The following ELAPOR1 variants were observed in gnomAD, a reference collection of about 807,000 sequenced individuals.
ELAPOR1 encodes endosome/lysosome-associated apoptosis and autophagy regulator 1.
Under a neutral mutation model 119.7 loss-of-function variants are expected in ELAPOR1, and 77 were observed. That is an observed-to-expected ratio of 0.64 (90% CI 0.54 to 0.78). The LOEUF (loss-of-function observed/expected upper bound fraction) is 0.78, where lower values mean the gene tolerates loss of function less well. Among genes scored for constraint, ELAPOR1 ranks in the 30% least tolerant of loss-of-function variants. The pLI is 0.00. For missense variants in ELAPOR1, 1,115 were observed against 1,270.4 expected, an observed-to-expected ratio of 0.88 and a Z score of 1.86; for synonymous variants, 481 against 487.2, an observed-to-expected ratio of 0.99 and a Z score of 0.17.
At chr1:109,137,988 AAGAC>A (rs1327091645) in intron 1 of ELAPOR1, among the ~76,000 whole-genome samples, 1 of 152,250 alleles carries the variant, frequency 6.6e-6, no homozygotes, top group Non-Finnish European at 1.5e-5. Flanking sequence ...GAGGCCTAGA[AAGAC>A]TACATTCCAG....
In ELAPOR1 at chr1:109,173,548, G is replaced by T. The variant is rs1245412441; in HGVS notation, c.771G>T (p.Lys257Asn). The T allele has an allele frequency of 1.2e-6, 2 of 1,614,196 alleles. No individual in the cohort carries two copies. The highest frequency in any genetic ancestry group is 1.7e-5 in the Admixed American group (1 of 60,024). ...TCTCAGTATGGACCAAAGTACCCAA[G>T]CCTGTGCTGGTGAGAAACATTGCCA... ...TAFSVWTKVP[K>N]PVLVRNIAIT... The change falls in exon 6 of 22, where the codon AAG becomes AAT. Residue 257 changes from lysine to asparagine, a missense_variant. By Grantham distance (94) the Lys-to-Asn change is moderately conservative. Transcript: ENST00000369939.
rs1269979187 is a variant in ELAPOR1 at position 109,205,374 on chromosome 1, TG to T, written c.*2363del. 10 of 152,396 alleles carry T rather than the reference TG, an allele frequency of 6.6e-5. No homozygotes were observed. Among genetic ancestry groups the T allele is most frequent in the African/African-American group, 2.4e-4 (10 of 41,602 alleles). 9.4% of individuals were successfully genotyped at this position (152,396 alleles called of 1,614,324 possible). A position where few individuals can be genotyped will look rare whatever the true frequency, so the allele number is the denominator to read the frequency against. ...GCCACTGCTGCCCTGGCAATGGCTT[TG>T]TAAGAGTCAATGAGAACTAGAGCCA... is the stretch of plus-strand genomic sequence containing the variant. On this transcript the variant is annotated 3_prime_UTR_variant, in exon 22 of 22. Coordinates refer to ENST00000369939, the MANE Select transcript of ELAPOR1 (RefSeq NM_020775.5).
chr1:109,177,461 T>C (rs1238945794), intron 7 of ELAPOR1, among the ~76,000 whole-genome samples: 34 of 114,676 alleles, frequency 3.0e-4, no homozygotes, highest in African/African-American at 6.7e-4. Context: ...AGACGATGGG[T>C]GGCCGGGCAG....
At chr1:109,122,818 A>G (rs148375180) in intron 1 of ELAPOR1, among the ~76,000 whole-genome samples, 240 of 152,274 alleles carry the variant, frequency 1.6e-3, no homozygotes, top group Admixed American at 2.6e-3. Context: ...TTAGCTGGGC[A>G]TGATGGTGTG....
chr1:109,172,397 A>T, intron 4 of ELAPOR1, 91 bp from the exon 5 acceptor site: 2 of 920,902 alleles, frequency 2.2e-6, no homozygotes, highest in Non-Finnish European at 3.4e-6. Context: ...CCATATAAAG[A>T]AGGGCCCTCT....
chr1:109,175,639 C>T (rs1182872686), intron 7 of ELAPOR1, among the ~76,000 whole-genome samples: 1 of 150,272 alleles, frequency 6.7e-6, no homozygotes. Context: ...CCAGGCTGGC[C>T]AACATGGCAA....
intron 1 of ELAPOR1, among the ~76,000 whole-genome samples, chr1:109,158,309 C>CT (rs386368020): frequency 0.29 from 38,708 of 131,562 alleles, 5,709 homozygotes; most frequent in African/African-American, 0.37. Flanking sequence ...TGACAGTTTT[C>CT]TTTTTTTTTT....
intron 1 of ELAPOR1, among the ~76,000 whole-genome samples, chr1:109,147,495 T>C (rs1650253229): frequency 6.6e-6 from 1 of 152,118 alleles, no homozygotes. Flanking sequence ...TTTAGGGCAA[T>C]GAAATTACTG....
chr1:109,202,694 G>A (rs1654255217), intron 21 of ELAPOR1, among the ~76,000 whole-genome samples: 1 of 152,032 alleles, frequency 6.6e-6, no homozygotes, highest in Non-Finnish European at 1.5e-5. Context: ...ACCTGCCTTG[G>A]CCTCCCAAGT....
At position 109,204,092 on chromosome 1, in the gene ELAPOR1, T is replaced by C. The variant is rs1654353480; in HGVS notation, c.*1080T>C. The C allele has an allele frequency of 6.6e-6, 1 of 151,884 alleles. No individual in the cohort carries two copies. The highest frequency in any genetic ancestry group is 1.5e-5 in the Non-Finnish European group (1 of 68,062). The allele number at this position is 151,884 out of a possible 1,614,324, so 9.4% of individuals were successfully genotyped here. A position where few individuals can be genotyped will look rare whatever the true frequency, so the allele number is the denominator to read the frequency against. ...GTGTGCACCACCAGGCTCACTAATTTTTATATTTTTTGTAGACACAGGGTT... is the reference window on the plus strand; with the variant it reads ...GTGTGCACCACCAGGCTCACTAATTCTTATATTTTTTGTAGACACAGGGTT... On this transcript the variant is annotated 3_prime_UTR_variant, in exon 22 of 22. Coordinates refer to ENST00000369939, the MANE Select transcript of ELAPOR1 (RefSeq NM_020775.5).
In ELAPOR1 at chr1:109,164,703, C is replaced by T. The variant is rs776939762; in HGVS notation, c.467+12C>T. The T allele has an allele frequency of 6.2e-7, 1 of 1,604,526 alleles. No individual in the cohort carries two copies. Among genetic ancestry groups the T allele is most frequent in the South Asian group, 1.1e-5 (1 of 90,398 alleles). On this transcript the variant is annotated intron_variant, in intron 3 of 21. Coordinates refer to ENST00000369939, the MANE Select transcript of ELAPOR1 (RefSeq NM_020775.5). ...GGGAACTGTACTTCGTGAGTCTGCACACACCCCCACCCCACCCCCAGCCCA... is the reference window on the plus strand; with the variant it reads ...GGGAACTGTACTTCGTGAGTCTGCATACACCCCCACCCCACCCCCAGCCCA...
At chr1:109,144,403 C>T (rs764557724) in intron 1 of ELAPOR1, among the ~76,000 whole-genome samples, 2 of 152,040 alleles carry the variant, frequency 1.3e-5, no homozygotes, top group South Asian at 2.1e-4. Flanking sequence ...TTCTGAAGCC[C>T]GAACTTTGAC....
intron 1 of ELAPOR1, among the ~76,000 whole-genome samples, chr1:109,132,150 C>G (rs898925593): frequency 2.0e-5 from 3 of 151,974 alleles, no homozygotes; most frequent in Admixed American, 6.6e-5. Flanking sequence ...TGCAGACCAA[C>G]CAGGCTTTTT....
chr1:109,152,711 G>C (rs898957645), intron 1 of ELAPOR1, among the ~76,000 whole-genome samples: 1 of 152,076 alleles, frequency 6.6e-6, no homozygotes, highest in Non-Finnish European at 1.5e-5. Flanking sequence ...GGGAGGCTGA[G>C]GCAGGCAGAT....
At chr1:109,144,061 A>ATATATATATATATTT in intron 1 of ELAPOR1, among the ~76,000 whole-genome samples, 37 of 88,958 alleles carry the variant, frequency 4.2e-4, no homozygotes, top group African/African-American at 8.2e-4. Context: ...ATATTTATAT[A>ATATATATATATATTT]TTTTTTTTTT....
chr1:109,185,072 G>C lies in ELAPOR1; in HGVS notation c.980G>C (p.Arg327Pro). 6.2e-7 allele frequency: 1 copy of C among 1,614,018 alleles called. No homozygotes were observed. The highest frequency in any genetic ancestry group is 1.1e-5 in the South Asian group (1 of 91,076). ...SEKGSSSCNV[R>P]PACTDKDYFY... ...AAAGGATCTTCTTCCTGTAACGTGC[G>C]CCCAGCTTGCACAGACAAAGATTAT... The change falls in exon 8 of 22, where the codon CGC (arginine) becomes CCC (proline). Residue 327 changes from arginine (R) to proline (P), a missense_variant. Transcript: ENST00000369939.
At chr1:109,174,838 C>A (rs1652164686) in intron 7 of ELAPOR1, among the ~76,000 whole-genome samples, 1 of 152,060 alleles carries the variant, frequency 6.6e-6, no homozygotes, top group African/African-American at 2.4e-5. Context: ...GCCTCAGGCT[C>A]CTGAGTAGTT....
intron 1 of ELAPOR1, among the ~76,000 whole-genome samples, chr1:109,148,112 C>A (rs1295571910): frequency 6.6e-6 from 1 of 151,674 alleles, no homozygotes. Context: ...GCTGGGATTA[C>A]AGGCGTGAGC....
At chr1:109,174,957 C>A (rs981134026) in intron 7 of ELAPOR1, among the ~76,000 whole-genome samples, 2 of 152,052 alleles carry the variant, frequency 1.3e-5, no homozygotes, top group African/African-American at 2.4e-5. Flanking sequence ...CCTCGTGATC[C>A]GCCCGCCTCA....
Sources: allele counts gnomAD v4.1 joint callset (sites outside exome capture counted in the v4.1 genomes callset), GRCh38; gene constraint gnomAD v4.1.1; transcripts MANE v1.5; gene names NCBI Gene and HGNC (gene_info 2026-07-23, HGNC 2026-07-21).